XIRP2: variants seen among roughly 807,000 people sequenced by gnomAD.
XIRP2 encodes xin actin-binding repeat-containing protein 2.
In XIRP2, 236 loss-of-function variants were observed where a neutral mutation model predicts 277.0. That is an observed-to-expected ratio of 0.85 (90% CI 0.77 to 0.95). The LOEUF (loss-of-function observed/expected upper bound fraction) is 0.95, where lower values mean the gene tolerates loss of function less well. Ranked by LOEUF, XIRP2 falls within the 40% of genes least tolerant of loss-of-function variation. The probability of loss-of-function intolerance (pLI) is 0.00; values close to 1 mark genes in which losing one functional copy is unlikely to be tolerated. For missense variants in XIRP2, 4,640 were observed against 4,157.5 expected (o/e 1.12, Z -3.19); for synonymous variants, 1,490 against 1,416.5 (o/e 1.05, Z -1.17).
In XIRP2 at chr2:167,258,382, A is replaced by G. The variant is rs1695726390; in HGVS notation, c.*565A>G. 4 of 1,613,478 alleles carry G rather than the reference A, an allele frequency of 2.5e-6. No homozygotes were observed. The highest frequency in any genetic ancestry group is 3.4e-6 in the Non-Finnish European group (4 of 1,179,676). On this transcript the variant is annotated 3_prime_UTR_variant, in exon 11 of 11. Transcript: ENST00000409195. ...TACAGTCCACCCATGTTTGTCAGAAAGAGGATGTTATAGGAATCAAAGAAA... is the reference window on the plus strand; with the variant it reads ...TACAGTCCACCCATGTTTGTCAGAAGGAGGATGTTATAGGAATCAAAGAAA...
At chr2:166,982,113 A>G (rs565635739) in intron 2 of XIRP2, among the ~76,000 whole-genome samples, 1 of 152,212 alleles carries the variant, frequency 6.6e-6, no homozygotes, top group Admixed American at 6.5e-5. Flanking sequence ...TTTTCAATGA[A>G]CATAGAATTT....
At chr2:167,178,797 G>A (rs189735255) in intron 3 of XIRP2, among the ~76,000 whole-genome samples, 38 of 151,634 alleles carry the variant, frequency 2.5e-4, no homozygotes, top group Non-Finnish European at 3.5e-4. Context: ...AACTTATCCC[G>A]TTTTATACAT....
At chr2:167,211,030 T>C in intron 4 of XIRP2, 135 bp downstream of exon 4, 1 of 1,084,326 alleles carries the variant, frequency 9.2e-7, no homozygotes, top group Non-Finnish European at 1.3e-6. Flanking sequence ...GTGTGTGAAA[T>C]AAATCCAGAC....
intron 5 of XIRP2, among the ~76,000 whole-genome samples, chr2:167,239,482 T>C (rs554330504): frequency 6.6e-6 from 1 of 152,338 alleles, no homozygotes; most frequent in African/African-American, 2.4e-5. Flanking sequence ...GTCAGTTAGA[T>C]GGCAGTGTGA....
At chr2:166,969,498 T>A (rs1217003741) in intron 2 of XIRP2, among the ~76,000 whole-genome samples, 3 of 151,946 alleles carry the variant, frequency 2.0e-5, no homozygotes, top group Non-Finnish European at 4.4e-5. Flanking sequence ...CCTGCTGGGT[T>A]TTTTAATATC....
chr2:167,010,638 T>C (rs1239616515), intron 2 of XIRP2, among the ~76,000 whole-genome samples: 2 of 152,188 alleles, frequency 1.3e-5, no homozygotes, highest in South Asian at 2.1e-4. Context: ...TGGATGGCAT[T>C]GAATCTATAA....
chr2:167,240,140 G>A (rs1408322615), intron 6 of XIRP2, among the ~76,000 whole-genome samples, 175 bp downstream of exon 6: 4 of 151,922 alleles, frequency 2.6e-5, no homozygotes, highest in African/African-American at 7.3e-5. Context: ...AGGGCCAGGC[G>A]CGGTGGCTTG....
intron 2 of XIRP2, among the ~76,000 whole-genome samples, chr2:166,949,443 C>T (rs887408872): frequency 2.6e-5 from 4 of 152,026 alleles, no homozygotes; most frequent in East Asian, 1.9e-4. Flanking sequence ...GTTGATAATT[C>T]GAGGTTGACT....
intron 3 of XIRP2, among the ~76,000 whole-genome samples, chr2:167,151,272 A>T (rs1461224535): frequency 6.6e-6 from 1 of 152,166 alleles, no homozygotes; most frequent in Non-Finnish European, 1.5e-5. Context: ...AATGGCATAC[A>T]GAAGGCTTTT....
chr2:167,134,271 C>G (rs1414873916), intron 2 of XIRP2, among the ~76,000 whole-genome samples: 1 of 150,522 alleles, frequency 6.6e-6, no homozygotes, highest in East Asian at 1.9e-4. Context: ...TTCACATATA[C>G]TTATGTACAT....
At chr2:166,918,362 T>G (rs958594097) in intron 2 of XIRP2, among the ~76,000 whole-genome samples, 4 of 152,140 alleles carry the variant, frequency 2.6e-5, no homozygotes, top group African/African-American at 9.7e-5. Context: ...TTTTCCCTAT[T>G]TATTCATCCT....
intron 2 of XIRP2, among the ~76,000 whole-genome samples, chr2:167,099,005 G>A (rs1378858710): frequency 1.3e-5 from 2 of 152,200 alleles, no homozygotes; most frequent in African/African-American, 2.4e-5. Context: ...GTGTCTCCCA[G>A]TCTGTTTCTT....
intron 2 of XIRP2, among the ~76,000 whole-genome samples, chr2:167,042,492 A>G (rs79646360): frequency 0.06 from 9,114 of 152,218 alleles, 284 homozygotes; most frequent in African/African-American, 0.076. Flanking sequence ...GGGATGGAGA[A>G]AGATCTATCA....
At chr2:166,998,822 T>A (rs1288048070) in intron 2 of XIRP2, among the ~76,000 whole-genome samples, 1 of 152,216 alleles carries the variant, frequency 6.6e-6, no homozygotes, top group Non-Finnish European at 1.5e-5. Context: ...AGTTTTCTCC[T>A]GGTGCCCCCT....
chr2:167,246,636 C>A lies in XIRP2; in HGVS notation c.5244C>A (p.Thr1748=). The A allele has an allele frequency of 6.2e-7, 1 of 1,613,698 alleles. No homozygotes were observed. ...SERGNVQFFT[T]CIEAGALDYL... is the part of the protein sequence containing the mutation. The stretch of plus-strand genomic sequence containing the variant: ...GAGGAAATGTTCAGTTTTTCACAAC[C>A]TGCATAGAAGCTGGAGCTTTGGATT... Residue 1748 remains threonine (T), a synonymous_variant, in exon 9 of 11, where the codon ACC becomes ACA. Transcript: ENST00000409195.
intron 5 of XIRP2, among the ~76,000 whole-genome samples, chr2:167,226,586 C>G (rs183265343): frequency 4.6e-5 from 7 of 152,236 alleles, no homozygotes; most frequent in Non-Finnish European, 1.0e-4. Context: ...ATAGAAAAGC[C>G]TTTTCTTCAA....
chr2:167,142,144 A>G (rs1192239605), intron 3 of XIRP2, among the ~76,000 whole-genome samples: 2 of 152,192 alleles, frequency 1.3e-5, no homozygotes, highest in Non-Finnish European at 2.9e-5. Context: ...TCTGTTCTAC[A>G]GGGAATAGGC....
In XIRP2 at chr2:167,103,236, C is replaced by T. The variant is rs114644237; in HGVS notation, c.409-32673C>T. Among the ~76,000 whole-genome samples, 487 of 152,230 alleles carry T rather than the reference C, an allele frequency of 3.2e-3. 5 individuals are homozygous for T. The highest frequency in any genetic ancestry group is 0.011 in the African/African-American group (463 of 41,546). On this transcript the variant is annotated intron_variant, in intron 2 of 10. Transcript: ENST00000409195. The stretch of plus-strand genomic sequence containing the variant: ...ACTTTTGGATTTTACCTACTGTAAT[C>T]TACCAGGTTATTTCTTATTATTATT...
chr2:166,927,995 A>G (rs994545289), intron 2 of XIRP2, among the ~76,000 whole-genome samples: 22 of 152,196 alleles, frequency 1.4e-4, no homozygotes, highest in African/African-American at 5.3e-4. Context: ...TCTAACATTC[A>G]AAAATGGAAC....
Sources: allele counts gnomAD v4.1 joint callset (sites outside exome capture counted in the v4.1 genomes callset), GRCh38; gene constraint gnomAD v4.1.1; transcripts MANE v1.5; gene names NCBI Gene and HGNC (gene_info 2026-07-23, HGNC 2026-07-21).